The following CIBAR2 variants were observed in gnomAD, a reference collection of about 807,000 sequenced individuals.
CIBAR2 encodes the protein CBY1 interacting BAR domain containing 2.
CIBAR2 carries 38 observed loss-of-function variants against 36.2 expected under a neutral mutation model. The ratio of observed to expected loss-of-function variants is 1.05; its 90% CI spans 0.81 to 1.38. The LOEUF is 1.38. Ranked by LOEUF, CIBAR2 falls within the 40% of genes most tolerant of loss-of-function variation. The pLI is 0.00. For synonymous variants in CIBAR2, 182 were observed against 149.5 expected, an observed-to-expected ratio of 1.22 and a Z score of -1.58; for missense variants, 481 against 383.4, an observed-to-expected ratio of 1.25 and a Z score of -2.13.
intron 6 of CIBAR2, 92 bp downstream of exon 6, chr16:85,105,235 C>T (rs1182492706): frequency 1.0e-5 from 8 of 767,814 alleles, no homozygotes; most frequent in Non-Finnish European, 1.8e-5. Flanking sequence ...CACACTCATG[C>T]TGAAGCATGC....
At chr16:85,108,863 A>G (rs2074018603) in intron 2 of CIBAR2, among the ~76,000 whole-genome samples, 2 of 152,218 alleles carry the variant, frequency 1.3e-5, no homozygotes, top group South Asian at 4.1e-4. Context: ...CAACAGAGCG[A>G]GACTCCATCT....
chr16:85,106,098 G>C (rs989004548), intron 5 of CIBAR2, among the ~76,000 whole-genome samples: 1 of 152,234 alleles, frequency 6.6e-6, no homozygotes, highest in African/African-American at 2.4e-5. Context: ...CCTCAGGAAA[G>C]AAGGGAAAGC....
At position 85,105,317 on chromosome 16, in the gene CIBAR2, C is replaced by T; in HGVS notation, c.537+10G>A. 1 of 1,596,512 alleles carries T rather than the reference C, an allele frequency of 6.3e-7. No individual in the cohort carries two copies. Among genetic ancestry groups the T allele is most frequent in the Non-Finnish European group, 8.6e-7 (1 of 1,166,570 alleles). ...CCAGGGCGCCTCCCATCCCGGCCAACCACCCTCACCTGCAGGTCCTTGAGC... is the reference window on the plus strand; with the variant it reads ...CCAGGGCGCCTCCCATCCCGGCCAATCACCCTCACCTGCAGGTCCTTGAGC... On this transcript the variant is annotated intron_variant, in intron 6 of 8. Coordinates refer to ENST00000539556, the MANE Select transcript of CIBAR2 (RefSeq NM_198491.3).
chr16:85,102,204 T>G lies in CIBAR2; in HGVS notation c.651+10A>C. Reference sequence around the variant, plus strand: ...TCCACCATATAGGAAACGGGGTGTCTGTGACTCACCAGTAGATCCCTCTCC... The same window carrying G: ...TCCACCATATAGGAAACGGGGTGTCGGTGACTCACCAGTAGATCCCTCTCC... On this transcript the variant is annotated intron_variant, in intron 7 of 8. Coordinates refer to ENST00000539556, the MANE Select transcript of CIBAR2 (RefSeq NM_198491.3). The G allele has an allele frequency of 6.7e-7, 1 of 1,484,008 alleles. No individual in the cohort carries two copies. The highest frequency in any genetic ancestry group is 9.4e-7 in the Non-Finnish European group (1 of 1,061,386). The allele number at this position is 1,484,008 out of a possible 1,614,324, so 91.9% of individuals were successfully genotyped here.
At chr16:85,110,611 A>G in intron 1 of CIBAR2, 151 bp from the exon 2 acceptor site, 1 of 585,624 alleles carries the variant, frequency 1.7e-6, no homozygotes, top group African/African-American at 1.9e-5. Flanking sequence ...TCAAGGTGGC[A>G]GCATCACGGC....
At chr16:85,107,504 C>CTGT (rs2074005547) in intron 5 of CIBAR2, among the ~76,000 whole-genome samples, 163 bp downstream of exon 5, 1 of 152,184 alleles carries the variant, frequency 6.6e-6, no homozygotes, top group African/African-American at 2.4e-5. Context: ...GGTCTCCAGA[C>CTGT]CCCCAGAGCC....
chr16:85,108,598 C>T (rs570615552), intron 2 of CIBAR2, among the ~76,000 whole-genome samples: 12 of 152,190 alleles, frequency 7.9e-5, no homozygotes, highest in Non-Finnish European at 1.6e-4. Context: ...TGGGGCCGGG[C>T]GCGATGGCTC....
chr16:85,099,202 G>A lies in CIBAR2; in HGVS notation c.898C>T (p.Pro300Ser), dbSNP rs760364081. The A allele has an allele frequency of 1.3e-6, 2 of 1,594,072 alleles. No homozygotes were observed. Among genetic ancestry groups the A allele is most frequent in the Non-Finnish European group, 1.7e-6 (2 of 1,171,252 alleles). ...CTACGTCGTTAGAGAGAATGTCCTG[G>A]AAGCATGAGATGCCCACCCTGCCCA... ...VCGQGGHLML[P>S]GHSL is the part of the protein sequence containing the mutation. Residue 300 changes from proline to serine, a missense_variant, in exon 9 of 9, where the codon CCA becomes TCA. Pro to Ser is a moderately conservative substitution (Grantham distance 74). Coordinates refer to ENST00000539556, the MANE Select transcript of CIBAR2 (RefSeq NM_198491.3).
chr16:85,108,111 G>T lies in CIBAR2; in HGVS notation c.256-12C>A. ...TCCAGCCTCTCGACCTGGGGGAGCGGGGACACCAGGGGATCTGAGCGCAGG... is the reference window on the plus strand; with the variant it reads ...TCCAGCCTCTCGACCTGGGGGAGCGTGGACACCAGGGGATCTGAGCGCAGG... On this transcript the variant is annotated splice_polypyrimidine_tract_variant and intron_variant, in intron 2 of 8. Transcript: ENST00000539556. The T allele has an allele frequency of 6.2e-7, 1 of 1,601,520 alleles. No individual in the cohort carries two copies. The highest frequency in any genetic ancestry group is 2.2e-5 in the East Asian group (1 of 44,786).
chr16:85,098,901 A>AC lies in CIBAR2; in HGVS notation c.*283dup, dbSNP rs1361483830. ...GGCTAGGAGACTTTCCCAAGGTCAC[A>AC]CCGCCGGGAGCAGTGGGCTCGGACC... On this transcript the variant is annotated 3_prime_UTR_variant, in exon 9 of 9. Transcript: ENST00000539556. The AC allele has an allele frequency of 7.3e-6, 2 of 275,706 alleles. No individual in the cohort carries two copies. Among genetic ancestry groups the AC allele is most frequent in the Admixed American group, 5.1e-5 (1 of 19,710 alleles). The allele number at this position is 275,706 out of a possible 1,614,324, so 17.1% of individuals were successfully genotyped here.
At chr16:85,111,654 T>C (rs1161911664) in intron 1 of CIBAR2, among the ~76,000 whole-genome samples, 1 of 152,198 alleles carries the variant, frequency 6.6e-6, no homozygotes, top group Non-Finnish European at 1.5e-5. Flanking sequence ...AAGACCACCC[T>C]GGGCAACATG....
Position 85,107,917 on chromosome 16 carries a change from T to G in CIBAR2, c.355A>C (p.Asn119His). 3.7e-6 allele frequency: 6 copies of G among 1,614,128 alleles called. No homozygotes were observed. The highest frequency in any genetic ancestry group is 5.1e-6 in the Non-Finnish European group (6 of 1,179,988). ...AEIKKFKHVQ[N>H]HEIKQLEKLE... is the part of the protein sequence containing the mutation. ...TTTTCCAGTTGTTTGATCTCATGAT[T>G]TTGGACATGTTTGAATTTCTTGATC... Residue 119 changes from asparagine (N) to histidine (H), a missense_variant, in exon 4 of 9, where the codon AAT becomes CAT. By Grantham distance (68) the Asn-to-His change is moderately conservative. Coordinates refer to ENST00000539556, the MANE Select transcript of CIBAR2 (RefSeq NM_198491.3).
chr16:85,100,078 C>T (rs1355272835), intron 8 of CIBAR2, 61 bp downstream of exon 8: 27 of 1,316,198 alleles, frequency 2.1e-5, no homozygotes, highest in East Asian at 4.9e-5. Flanking sequence ...GTTACTACCA[C>T]GGGCCTTCCA....
At chr16:85,101,283 CG>C in intron 7 of CIBAR2, among the ~76,000 whole-genome samples, 1 of 152,092 alleles carries the variant, frequency 6.6e-6, no homozygotes, top group Non-Finnish European at 1.5e-5. Flanking sequence ...ATTGTTGATA[CG>C]CCCCACATTT....
chr16:85,102,930 C>T (rs1278046707), intron 6 of CIBAR2, among the ~76,000 whole-genome samples: 1 of 149,628 alleles, frequency 6.7e-6, no homozygotes, highest in Non-Finnish European at 1.5e-5. Context: ...GAGATGGAGT[C>T]TCCCTCTGTC....
In CIBAR2 at chr16:85,107,862, G is replaced by A. The variant is rs769846324; in HGVS notation, c.410C>T (p.Ser137Leu). 3.4e-5 allele frequency: 55 copies of A among 1,613,630 alleles called. 1 individual carries two copies. The highest frequency in any genetic ancestry group is 8.8e-5 in the South Asian group (8 of 91,078). The change falls in exon 4 of 9, where the codon TCG becomes TTG. Residue 137 changes from serine to leucine, a missense_variant. Ser to Leu is a moderately radical substitution (Grantham distance 145). Transcript: ENST00000539556. ...GAAGGATACGATCATTTGCTGATCC[G>A]AGGGTGACTTCTGCCTCAGTTTCTC... ...KLEKLRQKSP[S>L]DQQMISQAET...
chr16:85,102,051 G>A (rs893692012), intron 7 of CIBAR2, among the ~76,000 whole-genome samples, 163 bp downstream of exon 7: 7 of 152,132 alleles, frequency 4.6e-5, no homozygotes, highest in African/African-American at 9.7e-5. Context: ...CCTCACTTTG[G>A]CACCCACCCA....
chr16:85,100,183 T>C lies in CIBAR2; in HGVS notation c.709A>G (p.Asn237Asp). Residue 237 changes from asparagine to aspartate, a missense_variant, in exon 8 of 9, where the codon AAC (asparagine) becomes GAC (aspartate). Physicochemically the swap from Asn to Asp is conservative, Grantham distance 23 (BLOSUM62 1). Transcript: ENST00000539556. ...YGHYDTRLLA[N>D]TSPPPSVLQS... Reference sequence around the variant, plus strand: ...AGAACAGATGGAGGGGGGCTGGTGTTGGCAAGCAGCCGAGTGTCATAATGC... The same window carrying C: ...AGAACAGATGGAGGGGGGCTGGTGTCGGCAAGCAGCCGAGTGTCATAATGC... The C allele has an allele frequency of 6.2e-7, 1 of 1,611,696 alleles. No homozygotes were observed. Among genetic ancestry groups the C allele is most frequent in the Non-Finnish European group, 8.5e-7 (1 of 1,179,244 alleles).
chr16:85,111,338 C>T (rs764827374), intron 1 of CIBAR2, among the ~76,000 whole-genome samples: 1 of 152,198 alleles, frequency 6.6e-6, no homozygotes, highest in Non-Finnish European at 1.5e-5. Context: ...CTGGTATCAC[C>T]ATGTGAAAAT....
Sources: allele counts gnomAD v4.1 joint callset (sites outside exome capture counted in the v4.1 genomes callset), GRCh38; gene constraint gnomAD v4.1.1; transcripts MANE v1.5; gene names NCBI Gene and HGNC (gene_info 2026-07-23, HGNC 2026-07-21).